LINGO2: variants seen among roughly 807,000 people sequenced by gnomAD.
LINGO2 encodes the protein leucine rich repeat and Ig domain containing 2.
A neutral mutation model predicts 30.6 loss-of-function variants in LINGO2; 14 were observed. The observed-to-expected ratio is 0.46, with a 90% CI of 0.30 to 0.72. The LOEUF (loss-of-function observed/expected upper bound fraction) is 0.72, where lower values mean the gene tolerates loss of function less well. Ranked by LOEUF, LINGO2 falls within the 30% of genes least tolerant of loss-of-function variation. The probability of loss-of-function intolerance (pLI) is 0.07; values close to 1 mark genes in which losing one functional copy is unlikely to be tolerated. For synonymous variants in LINGO2, 317 were observed against 288.5 expected (o/e 1.10, Z -1.00); for missense variants, 729 against 751.7 (o/e 0.97, Z 0.35).
At chr9:28,900,228 G>A in the LINGO2 span, among the ~76,000 whole-genome samples, 6 of 152,194 alleles carry the variant, frequency 3.9e-5, no homozygotes, top group East Asian at 1.9e-4. Flanking sequence ...CAGTCCCCAC[G>A]GTTCCAGGCT....
At chr9:28,134,575 G>A (rs1404463812) in intron 4 of LINGO2, among the ~76,000 whole-genome samples, 1 of 152,176 alleles carries the variant, frequency 6.6e-6, no homozygotes, top group Non-Finnish European at 1.5e-5. Flanking sequence ...AGAGGTAGCC[G>A]ATTCCGGAGA....
chr9:28,072,462 A>G (rs561620994), intron 4 of LINGO2, among the ~76,000 whole-genome samples: 1 of 152,338 alleles, frequency 6.6e-6, no homozygotes, highest in African/African-American at 2.4e-5. Flanking sequence ...GTGAAATGAC[A>G]GCTCAGTACA....
the LINGO2 span, among the ~76,000 whole-genome samples, chr9:28,677,840 G>C: frequency 6.6e-6 from 1 of 151,950 alleles, no homozygotes; most frequent in South Asian, 2.1e-4. Context: ...AGGAAGATCA[G>C]GCAGTAACAC....
chr9:28,172,200 G>C lies in LINGO2; in HGVS notation c.-87+123008C>G, dbSNP rs919769696. On this transcript the variant is annotated intron_variant, in intron 4 of 5. Transcript: ENST00000379992. Reference sequence around the variant, plus strand: ...AGGTCAGGAGATCGAGACCATCCCGGCTAAAACGGTGAAACCCCGTCTCTA... The same window carrying C: ...AGGTCAGGAGATCGAGACCATCCCGCCTAAAACGGTGAAACCCCGTCTCTA... Among the ~76,000 whole-genome samples the C allele has an allele frequency of 6.1e-3, 907 of 149,780 alleles. 11 individuals carry two copies. The highest frequency in any genetic ancestry group is 0.021 in the African/African-American group (841 of 40,754).
the LINGO2 span, among the ~76,000 whole-genome samples, chr9:28,824,139 G>A: frequency 5.3e-5 from 8 of 152,170 alleles, no homozygotes; most frequent in East Asian, 5.8e-4. Context: ...TTTGTTTCAC[G>A]GTAATAACTG....
intron 2 of LINGO2, among the ~76,000 whole-genome samples, chr9:28,451,798 T>C (rs191810370): frequency 4.0e-5 from 6 of 151,858 alleles, no homozygotes; most frequent in Admixed American, 2.6e-4. Flanking sequence ...CTAAATATTT[T>C]AAATATAGGC....
chr9:27,952,602 C>A (rs1304056224), intron 5 of LINGO2, among the ~76,000 whole-genome samples: 1 of 151,664 alleles, frequency 6.6e-6, no homozygotes, highest in Non-Finnish European at 1.5e-5. Context: ...GTCAAGAAAA[C>A]AGAAAGTAAG....
At chr9:28,210,689 A>C (rs1820558379) in intron 4 of LINGO2, among the ~76,000 whole-genome samples, 1 of 151,722 alleles carries the variant, frequency 6.6e-6, no homozygotes, top group African/African-American at 2.4e-5. Context: ...AGAGAGAAGA[A>C]AGCCACTAGG....
intron 4 of LINGO2, among the ~76,000 whole-genome samples, chr9:28,199,341 CTTCT>C (rs768320171): frequency 7.4e-6 from 1 of 134,810 alleles, no homozygotes; most frequent in African/African-American, 2.6e-5. Flanking sequence ...TCTTCTTCTT[CTTCT>C]TTTTTTTTTT....
chr9:28,362,920 C>T (rs980944135), intron 3 of LINGO2, among the ~76,000 whole-genome samples: 1 of 152,114 alleles, frequency 6.6e-6, no homozygotes, highest in South Asian at 2.1e-4. Context: ...AGATGTCTGT[C>T]GCATTTTTAT....
intron 3 of LINGO2, among the ~76,000 whole-genome samples, chr9:28,346,510 T>C (rs1455051473): frequency 2.6e-5 from 4 of 152,192 alleles, no homozygotes; most frequent in Admixed American, 2.0e-4. Flanking sequence ...CGTGTGCATG[T>C]GTCTTTAGAG....
chr9:28,383,257 TGTGTGTGTGTG>T (rs1821429925), intron 2 of LINGO2, among the ~76,000 whole-genome samples: 9 of 148,896 alleles, frequency 6.0e-5, no homozygotes, highest in African/African-American at 1.3e-4. Flanking sequence ...CCATTCATTG[TGTGTGTGTGTG>T]TGTGTGTGTG....
At chr9:28,521,375 A>G (rs1564263079) in intron 1 of LINGO2, among the ~76,000 whole-genome samples, 1 of 152,188 alleles carries the variant, frequency 6.6e-6, no homozygotes, top group Non-Finnish European at 1.5e-5. Flanking sequence ...CACTGTATGT[A>G]GACAGGGTTC....
At chr9:29,180,665 TC>T in the LINGO2 span, among the ~76,000 whole-genome samples, 1 of 152,040 alleles carries the variant, frequency 6.6e-6, no homozygotes, top group African/African-American at 2.4e-5. Context: ...ACACATACCT[TC>T]CCCCATGAAG....
intron 3 of LINGO2, among the ~76,000 whole-genome samples, chr9:28,310,392 C>G (rs1055219801): frequency 6.6e-6 from 1 of 152,084 alleles, no homozygotes. Context: ...TGCAATACAT[C>G]AATGAATCAC....
intron 1 of LINGO2, among the ~76,000 whole-genome samples, chr9:28,490,756 G>T (rs1022198784): frequency 1.3e-5 from 2 of 152,112 alleles, no homozygotes; most frequent in Admixed American, 6.6e-5. Flanking sequence ...TACTGGGATT[G>T]TATAAATTAG....
At position 28,641,328 on chromosome 9, in the gene LINGO2, G is replaced by A. The variant is rs13285176; in HGVS notation, c.-365+28872C>T. On this transcript the variant is annotated intron_variant, in intron 1 of 5. Coordinates refer to ENST00000379992, the Ensembl canonical transcript of LINGO2. Reference sequence around the variant, plus strand: ...TAGGATTACAGGCGTGAGCCACCGCGCCCGGCCTCAGAGGTTTTAAAGAAG... The same window carrying A: ...TAGGATTACAGGCGTGAGCCACCGCACCCGGCCTCAGAGGTTTTAAAGAAG... Among the ~76,000 whole-genome samples, 1,288 of 152,016 alleles carry A rather than the reference G, an allele frequency of 8.5e-3. 27 individuals are homozygous for A. Among genetic ancestry groups the A allele is most frequent in the East Asian group, 0.036 (187 of 5,134 alleles).
intron 4 of LINGO2, among the ~76,000 whole-genome samples, chr9:28,030,911 T>C (rs990650736): frequency 6.6e-6 from 1 of 152,118 alleles, no homozygotes; most frequent in Non-Finnish European, 1.5e-5. Flanking sequence ...TTGCATACCA[T>C]TGACAAATTG....
chr9:28,440,918 A>C (rs1824164240), intron 2 of LINGO2, among the ~76,000 whole-genome samples: 1 of 152,194 alleles, frequency 6.6e-6, no homozygotes, highest in Non-Finnish European at 1.5e-5. Context: ...CATATCTGTA[A>C]AAGTGTATAT....
Sources: gnomAD v4.1 joint callset for allele counts (sites outside exome capture counted in the v4.1 genomes callset) on GRCh38, gnomAD v4.1.1 for gene constraint, MANE v1.5 for transcripts, NCBI Gene and HGNC (gene_info 2026-07-23, HGNC 2026-07-21) for gene names.